TMEM178B: variants seen among roughly 807,000 people sequenced by gnomAD.
TMEM178B encodes transmembrane protein 178B.
Under a neutral mutation model 31.0 loss-of-function variants are expected in TMEM178B, and 5 were observed. The observed-to-expected ratio is 0.16, with a 90% CI of 0.08 to 0.34. TMEM178B has a LOEUF of 0.34. TMEM178B is among the 10% of genes least tolerant of loss of function. The pLI, the probability that TMEM178B is intolerant of heterozygous loss-of-function variation, is 1.00. For missense variants in TMEM178B, 275 were observed against 400.3 expected, an observed-to-expected ratio of 0.69 and a Z score of 2.67; for synonymous variants, 164 against 164.0, an observed-to-expected ratio of 1.00 and a Z score of 0.00.
intron 3 of TMEM178B, among the ~76,000 whole-genome samples, chr7:141,460,325 A>ACC (rs1158943594): frequency 2.6e-5 from 4 of 152,160 alleles, no homozygotes; most frequent in Non-Finnish European, 5.9e-5. Flanking sequence ...GTGTGCACGC[A>ACC]CCTGGTGTCT....
At chr7:141,238,231 T>C (rs1008790786) in intron 2 of TMEM178B, among the ~76,000 whole-genome samples, 1 of 152,054 alleles carries the variant, frequency 6.6e-6, no homozygotes, top group Admixed American at 6.6e-5. Flanking sequence ...AGCTGAGTCT[T>C]ACCCTGAAGC....
At chr7:141,297,872 A>C (rs1156716831) in intron 2 of TMEM178B, among the ~76,000 whole-genome samples, 1 of 152,232 alleles carries the variant, frequency 6.6e-6, no homozygotes, top group Non-Finnish European at 1.5e-5. Context: ...GTGTATACCC[A>C]GTAATAGGAT....
chr7:141,232,461 G>T (rs1797463324), intron 2 of TMEM178B, among the ~76,000 whole-genome samples: 1 of 151,916 alleles, frequency 6.6e-6, no homozygotes, highest in African/African-American at 2.4e-5. Context: ...CTGCAACCTT[G>T]CCAGCATCTG....
rs991847401 is a variant in TMEM178B at position 141,272,326 on chromosome 7, T to C, written c.496+59622T>C. 2.6e-5 allele frequency among the ~76,000 whole-genome samples: 4 copies of C among 152,208 alleles called. 1 individual carries two copies. Among genetic ancestry groups the C allele is most frequent in the South Asian group, 4.1e-4 (2 of 4,830 alleles). ...GAAGGCAGGAATGCATCTCACTGAA[T>C]TGATATCGTGCAAAGCAATTTGAGA... On this transcript the variant is annotated intron_variant, in intron 2 of 3. Transcript: ENST00000565468.
chr7:141,271,052 C>T (rs932475632), intron 2 of TMEM178B, among the ~76,000 whole-genome samples: 5 of 152,188 alleles, frequency 3.3e-5, no homozygotes, highest in Admixed American at 2.6e-4. Context: ...CTAGAAGTCT[C>T]CCCTGGGACT....
intron 1 of TMEM178B, among the ~76,000 whole-genome samples, chr7:141,163,399 T>C (rs1416702070): frequency 6.6e-6 from 1 of 152,220 alleles, no homozygotes; most frequent in Non-Finnish European, 1.5e-5. Context: ...GGATAACGAC[T>C]CTACTTCATT....
intron 2 of TMEM178B, among the ~76,000 whole-genome samples, chr7:141,420,199 C>A (rs982788425): frequency 2.6e-5 from 4 of 152,134 alleles, no homozygotes; most frequent in Admixed American, 6.6e-5. Context: ...ACTGCCCCCC[C>A]CCACTACATA....
chr7:141,119,308 G>A (rs1024590352), intron 1 of TMEM178B, among the ~76,000 whole-genome samples: 1 of 152,166 alleles, frequency 6.6e-6, no homozygotes, highest in Non-Finnish European at 1.5e-5. Flanking sequence ...GGCACTTCTG[G>A]TCTGTCCCAC....
In TMEM178B at chr7:141,371,316, C is replaced by T. The variant is rs114654250; in HGVS notation, c.497-66292C>T. On this transcript the variant is annotated intron_variant, in intron 2 of 3. Transcript: ENST00000565468. ...GTTGGTAAAAAAAAAAGCCTGATACCTCCCCACCTCTCTTTCTTCCTCTTT... is the reference window on the plus strand; with the variant it reads ...GTTGGTAAAAAAAAAAGCCTGATACTTCCCCACCTCTCTTTCTTCCTCTTT... 1.6e-3 allele frequency among the ~76,000 whole-genome samples: 244 copies of T among 152,098 alleles called. 1 individual carries two copies. Among genetic ancestry groups the T allele is most frequent in the African/African-American group, 5.7e-3 (236 of 41,482 alleles).
At chr7:141,440,691 G>A (rs1024161181) in intron 3 of TMEM178B, among the ~76,000 whole-genome samples, 1 of 152,168 alleles carries the variant, frequency 6.6e-6, no homozygotes, top group Non-Finnish European at 1.5e-5. Context: ...TATTTTTTAA[G>A]TGGCAAAACC....
At chr7:141,326,724 G>C (rs1285034408) in intron 2 of TMEM178B, among the ~76,000 whole-genome samples, 1 of 152,108 alleles carries the variant, frequency 6.6e-6, no homozygotes, top group African/African-American at 2.4e-5. Context: ...AGATGGTTTG[G>C]CCCACAAAGC....
At chr7:141,099,489 T>A (rs1795017309) in intron 1 of TMEM178B, among the ~76,000 whole-genome samples, 1 of 152,250 alleles carries the variant, frequency 6.6e-6, no homozygotes. Flanking sequence ...ATGTGCTGAA[T>A]GGACTCATAT....
rs148763237 is a variant in TMEM178B, at chr7:141,409,829, C to A, written c.497-27779C>A. Among the ~76,000 whole-genome samples the A allele has an allele frequency of 2.5e-3, 375 of 152,048 alleles. 6 individuals carry two copies. The East Asian group carries it at 0.031, about 12-fold the overall frequency. On this transcript the variant is annotated intron_variant, in intron 2 of 3. Coordinates refer to ENST00000565468, the MANE Select transcript of TMEM178B (RefSeq NM_001195278.2). ...CAAGCAGATGATCGTCCCTGCTGGG[C>A]ATTCATTGGCAAATCACAATTCTGT... is the stretch of plus-strand genomic sequence containing the variant.
intron 2 of TMEM178B, among the ~76,000 whole-genome samples, chr7:141,434,466 T>A (rs1194021128): frequency 1.3e-5 from 2 of 152,238 alleles, no homozygotes; most frequent in Non-Finnish European, 2.9e-5. Context: ...ATGAATGTGC[T>A]GACCGTTTAT....
At chr7:141,464,905 C>G (rs191529687) in intron 3 of TMEM178B, among the ~76,000 whole-genome samples, 1 of 152,276 alleles carries the variant, frequency 6.6e-6, no homozygotes, top group Admixed American at 6.5e-5. Context: ...ACCCAGCTCC[C>G]AAAGGAAGGG....
At chr7:141,077,477 G>A (rs553232917) in intron 1 of TMEM178B, among the ~76,000 whole-genome samples, 2 of 152,250 alleles carry the variant, frequency 1.3e-5, no homozygotes, top group Non-Finnish European at 2.9e-5. Context: ...ATAAGAAAAC[G>A]AACATCAAAT....
intron 2 of TMEM178B, among the ~76,000 whole-genome samples, chr7:141,298,426 C>T (rs1798671851): frequency 6.6e-6 from 1 of 152,198 alleles, no homozygotes; most frequent in Admixed American, 6.5e-5. Context: ...TTCCCTCTTG[C>T]CCTCTCCCTT....
chr7:141,354,762 T>C (rs987744927), intron 2 of TMEM178B, among the ~76,000 whole-genome samples: 1 of 152,202 alleles, frequency 6.6e-6, no homozygotes, highest in African/African-American at 2.4e-5. Flanking sequence ...GTTCCATTTC[T>C]GTGTCCTTTG....
At chr7:141,494,630 A>G in the TMEM178B span, among the ~76,000 whole-genome samples, 1 of 152,230 alleles carries the variant, frequency 6.6e-6, no homozygotes, top group African/African-American at 2.4e-5. Context: ...TCAGCCCAGA[A>G]CAGTGGTTCA....
Sources: allele counts gnomAD v4.1 joint callset (sites outside exome capture counted in the v4.1 genomes callset), GRCh38; gene constraint gnomAD v4.1.1; transcripts MANE v1.5; gene names NCBI Gene and HGNC (gene_info 2026-07-23, HGNC 2026-07-21).